Variants in NHS observed in about 807,000 individuals in gnomAD.
NHS encodes the protein actin remodeling regulator NHS.
A neutral mutation model predicts 72.5 loss-of-function variants in NHS; 5 were observed. The ratio of observed to expected loss-of-function variants is 0.07; its 90% CI spans 0.04 to 0.14. The LOEUF is 0.14. Ranked by LOEUF, NHS falls within the 10% of genes least tolerant of loss-of-function variation. The pLI is 1.00. For synonymous variants in NHS, 464 were observed against 547.7 expected (o/e 0.85, Z 2.13); for missense variants, 1,072 against 1,355.7 (o/e 0.79, Z 3.29).
intron 1 of NHS, among the ~76,000 whole-genome samples, chrX:17,667,433 C>T (rs1424069092): frequency 9.0e-6 from 1 of 111,375 alleles, no homozygotes. Context: ...CTAAAGAGAA[C>T]TCCACATCGT....
chrX:17,571,540 T>A (rs2065478308), intron 1 of NHS, among the ~76,000 whole-genome samples: 1 of 111,807 alleles, frequency 8.9e-6, no homozygotes, highest in Admixed American at 9.5e-5. Flanking sequence ...TTTTATTGCA[T>A]CTATTTGATT....
At chrX:17,619,481 C>A (rs2065762503) in intron 1 of NHS, among the ~76,000 whole-genome samples, 1 of 112,385 alleles carries the variant, frequency 8.9e-6, no homozygotes, top group African/African-American at 3.3e-5. Flanking sequence ...ACACATTCTA[C>A]AAGTTTCAGA....
intron 1 of NHS, among the ~76,000 whole-genome samples, chrX:17,619,069 T>C (rs898608267): frequency 8.9e-6 from 1 of 112,489 alleles, no homozygotes; most frequent in Admixed American, 9.4e-5. Context: ...CCAGCATTCA[T>C]TGTAGTTAGT....
At chrX:17,488,237 C>T (rs1345148769) in intron 1 of NHS, among the ~76,000 whole-genome samples, 2 of 111,880 alleles carry the variant, frequency 1.8e-5, no homozygotes, top group East Asian at 5.6e-4. Flanking sequence ...TTTCTTACCT[C>T]ATTGCCTGAA....
intron 3 of NHS, among the ~76,000 whole-genome samples, chrX:17,701,999 G>GA (rs1776630002): frequency 9.0e-6 from 1 of 111,193 alleles, no homozygotes; most frequent in Non-Finnish European, 1.9e-5. Flanking sequence ...GTACAGGAAG[G>GA]AAAAACCAGA....
intron 1 of NHS, among the ~76,000 whole-genome samples, chrX:17,622,887 G>A (rs762310490): frequency 6.9e-4 from 77 of 111,101 alleles, no homozygotes; most frequent in African/African-American, 2.4e-3. Context: ...GCCAATGCCT[G>A]GACAGAGAGG....
chrX:17,412,893 C>T (rs771430563), intron 1 of NHS, among the ~76,000 whole-genome samples: 1 of 112,354 alleles, frequency 8.9e-6, no homozygotes, highest in South Asian at 3.7e-4. Context: ...AGCTCTTTGT[C>T]ACTGAGTGCG....
chrX:17,629,915 C>T (rs778878669), intron 1 of NHS, among the ~76,000 whole-genome samples: 7 of 109,906 alleles, frequency 6.4e-5, no homozygotes, highest in Non-Finnish European at 1.3e-4. Flanking sequence ...TCTGGCCACC[C>T]TCCAAAGTGA....
chrX:17,477,607 G>A (rs1482925453), intron 1 of NHS, among the ~76,000 whole-genome samples: 2 of 112,413 alleles, frequency 1.8e-5, no homozygotes, highest in Admixed American at 9.4e-5. Flanking sequence ...AGGCAGGGCA[G>A]GGGTGGATGG....
At chrX:17,601,730 G>A (rs915718838) in intron 1 of NHS, among the ~76,000 whole-genome samples, 2 of 111,836 alleles carry the variant, frequency 1.8e-5, no homozygotes, top group African/African-American at 3.2e-5. Flanking sequence ...GTCCGCAAAC[G>A]ATAATTCATA....
At chrX:17,603,626 T>C (rs748501467) in intron 1 of NHS, among the ~76,000 whole-genome samples, 1 of 112,221 alleles carries the variant, frequency 8.9e-6, no homozygotes, top group Non-Finnish European at 1.9e-5. Flanking sequence ...CACATACTCA[T>C]TATTAATGGT....
intron 8 of NHS, among the ~76,000 whole-genome samples, chrX:17,729,015 G>A (rs1446136029): frequency 8.9e-6 from 1 of 112,198 alleles, no homozygotes; most frequent in African/African-American, 3.2e-5. Flanking sequence ...TTGTAAGAGT[G>A]GCTTTATTTT....
At chrX:17,684,680 G>C (rs2066151571) in intron 1 of NHS, among the ~76,000 whole-genome samples, 1 of 111,661 alleles carries the variant, frequency 9.0e-6, no homozygotes, top group Non-Finnish European at 1.9e-5. Flanking sequence ...TCTCTCTTTT[G>C]ATTAACTCAA....
At chrX:17,576,720 C>A (rs951986621) in intron 1 of NHS, among the ~76,000 whole-genome samples, 1 of 111,538 alleles carries the variant, frequency 9.0e-6, no homozygotes, top group Non-Finnish European at 1.9e-5. Context: ...CACATCTGCA[C>A]ACTGTCAATG....
chrX:17,699,848 T>C (rs1354961848), intron 3 of NHS, among the ~76,000 whole-genome samples: 1 of 111,707 alleles, frequency 9.0e-6, no homozygotes, highest in African/African-American at 3.3e-5. Context: ...ACTTTCTAAC[T>C]TTGGCTAAAA....
chrX:17,573,905 GT>G (rs1301262967), intron 1 of NHS, among the ~76,000 whole-genome samples: 1 of 111,881 alleles, frequency 8.9e-6, no homozygotes, highest in Non-Finnish European at 1.9e-5. Flanking sequence ...ATTCCTTTCT[GT>G]TTGTTAGTTT....
At chrX:17,490,057 T>C (rs1051797072) in intron 1 of NHS, among the ~76,000 whole-genome samples, 1 of 112,312 alleles carries the variant, frequency 8.9e-6, no homozygotes, top group African/African-American at 3.2e-5. Flanking sequence ...ACAAAAATGT[T>C]CTCTCATTCT....
rs2066449978 is a variant in NHS, at chrX:17,726,988, G to A, written c.2882G>A (p.Arg961Lys). 1 of 1,210,209 alleles carries A rather than the reference G, an allele frequency of 8.3e-7. No homozygotes were observed. Among genetic ancestry groups the A allele is most frequent in the Admixed American group, 2.2e-5 (1 of 45,803 alleles). The change falls in exon 7 of 9, where the codon AGA becomes AAA. Residue 961 changes from arginine (R) to lysine (K), a missense_variant. Physicochemically the swap from Arg to Lys is conservative, Grantham distance 26. Transcript: ENST00000676302. ...LNDLKTNDPY[R>K]SLSNSSTATG... Reference sequence around the variant, plus strand: ...GACTTGAAAACAAATGATCCTTATAGATCTCTATCTAATTCAAGCACCGCT... The same window carrying A: ...GACTTGAAAACAAATGATCCTTATAAATCTCTATCTAATTCAAGCACCGCT...
At chrX:17,502,105 G>GA (rs2065038738) in intron 1 of NHS, among the ~76,000 whole-genome samples, 1 of 111,591 alleles carries the variant, frequency 9.0e-6, no homozygotes, top group African/African-American at 3.3e-5. Context: ...GTACACTCGG[G>GA]AAAAAAGGGC....
Sources: allele counts gnomAD v4.1 joint callset (sites outside exome capture counted in the v4.1 genomes callset), GRCh38; gene constraint gnomAD v4.1.1; transcripts MANE v1.5; gene names NCBI Gene and HGNC (gene_info 2026-07-23, HGNC 2026-07-21).